Variants in TIPIN observed in about 807,000 individuals in gnomAD.
TIPIN encodes TIMELESS interacting protein, also known as TIMELESS-interacting protein.
In TIPIN, 29 loss-of-function variants were observed where a neutral mutation model predicts 35.6. The ratio of observed to expected loss-of-function variants is 0.82; its 90% CI spans 0.61 to 1.11. The LOEUF (loss-of-function observed/expected upper bound fraction) is 1.11, where lower values mean the gene tolerates loss of function less well. Ranked by LOEUF, TIPIN falls within the 50% of genes most tolerant of loss-of-function variation. The pLI, the probability that TIPIN is intolerant of heterozygous loss-of-function variation, is 0.00. For missense variants in TIPIN, 296 were observed against 345.4 expected (o/e 0.86, Z 1.13); for synonymous variants, 102 against 121.5 (o/e 0.84, Z 1.06).
chr15:66,376,465 G>A (rs1055934602), intron 1 of TIPIN, among the ~76,000 whole-genome samples: 8 of 150,958 alleles, frequency 5.3e-5, no homozygotes, highest in Admixed American at 3.3e-4. Context: ...GGTTTTGCTC[G>A]TTTCCCAGGC....
At chr15:66,377,997 C>A (rs1411962032) in intron 1 of TIPIN, among the ~76,000 whole-genome samples, 1 of 151,850 alleles carries the variant, frequency 6.6e-6, no homozygotes, top group Non-Finnish European at 1.5e-5. Flanking sequence ...AGGTGCACAC[C>A]ACCATGCCCA....
chr15:66,355,554 C>T (rs1376206611), intron 1 of TIPIN, among the ~76,000 whole-genome samples: 1 of 151,532 alleles, frequency 6.6e-6, no homozygotes, highest in Non-Finnish European at 1.5e-5. Flanking sequence ...TCGAGACCAG[C>T]CTGGCCAACA....
At chr15:66,368,834 C>T (rs556635255) in intron 1 of TIPIN, among the ~76,000 whole-genome samples, 4 of 152,154 alleles carry the variant, frequency 2.6e-5, no homozygotes, top group African/African-American at 7.2e-5. Flanking sequence ...TACTAACAAT[C>T]GATAAAACTA....
intron 1 of TIPIN, among the ~76,000 whole-genome samples, chr15:66,367,736 T>G (rs1009712797): frequency 4.8e-4 from 72 of 151,572 alleles, no homozygotes; most frequent in African/African-American, 1.6e-3. Flanking sequence ...ATTTTTTATG[T>G]TTTTTTTCCA....
chr15:66,377,701 C>A (rs1486140656), intron 1 of TIPIN, among the ~76,000 whole-genome samples: 1 of 151,938 alleles, frequency 6.6e-6, no homozygotes, highest in African/African-American at 2.4e-5. Flanking sequence ...TGGAGTCTCG[C>A]TCTGTTGCCC....
At chr15:66,370,000 T>C (rs2093272145) in intron 1 of TIPIN, among the ~76,000 whole-genome samples, 1 of 152,196 alleles carries the variant, frequency 6.6e-6, no homozygotes, top group Non-Finnish European at 1.5e-5. Flanking sequence ...ACCCCAATTA[T>C]GACATGTATT....
At chr15:66,371,806 C>T (rs1168936578) in intron 1 of TIPIN, among the ~76,000 whole-genome samples, 3 of 150,266 alleles carry the variant, frequency 2.0e-5, no homozygotes, top group Admixed American at 6.6e-5. Flanking sequence ...CGTGAGCCAC[C>T]GTGCCTGGCC....
At chr15:66,366,824 G>A in intron 1 of TIPIN, 1 of 983,584 alleles carries the variant, frequency 1.0e-6, no homozygotes, top group Non-Finnish European at 1.2e-6. Context: ...GAAATTCCAA[G>A]GAAGCAGTGG....
At chr15:66,364,970 A>AAAAAAGAAAAAG (rs1555409818) in intron 1 of TIPIN, among the ~76,000 whole-genome samples, 1 of 137,606 alleles carries the variant, frequency 7.3e-6, no homozygotes, top group Non-Finnish European at 1.6e-5. Flanking sequence ...CCATCTCAAA[A>AAAAAAGAAAAAG]AAAAAGAAAA....
At chr15:66,367,019 A>T (rs2093257578) in intron 1 of TIPIN, 3 of 316,668 alleles carry the variant, frequency 9.5e-6, no homozygotes, top group Non-Finnish European at 1.4e-5. Context: ...CGTCTCTACT[A>T]AAAATACAAA....
chr15:66,371,576 C>T (rs1481980620), intron 1 of TIPIN, among the ~76,000 whole-genome samples: 5 of 148,998 alleles, frequency 3.4e-5, no homozygotes, highest in Admixed American at 2.0e-4. Flanking sequence ...TGCAGTGGCG[C>T]GATCTCGGCT....
At chr15:66,379,915 C>T (rs2140500673) in intron 1 of TIPIN, 1 of 1,457,582 alleles carries the variant, frequency 6.9e-7, no homozygotes, top group Non-Finnish European at 9.4e-7. Flanking sequence ...ATGGTCTTCA[C>T]TCTCGCAGTA....
At chr15:66,361,474 C>A (rs1468642777), upstream of TIPIN, among the ~76,000 whole-genome samples, 5 of 150,494 alleles carry the variant, frequency 3.3e-5, no homozygotes, top group African/African-American at 1.2e-4. Flanking sequence ...CCAGGATGGT[C>A]TCAATCTCCT....
chr15:66,381,968 G>A (rs2093320164), intron 1 of TIPIN, among the ~76,000 whole-genome samples: 1 of 152,186 alleles, frequency 6.6e-6, no homozygotes, highest in African/African-American at 2.4e-5. Flanking sequence ...GGGAGGCTGA[G>A]GCAGGAGAAC....
At chr15:66,338,813 C>CAAAAA (rs35966273) in intron 7 of TIPIN, among the ~76,000 whole-genome samples, 2 of 35,250 alleles carry the variant, frequency 5.7e-5, no homozygotes, top group Admixed American at 3.3e-4. Context: ...GACTCCGTCT[C>CAAAAA]AAAAAAAAAA....
At chr15:66,357,696 G>T (rs62626354), upstream of TIPIN, among the ~76,000 whole-genome samples, 1,544 of 150,530 alleles carry the variant, frequency 0.01, 109 homozygotes, top group Admixed American at 0.093. Context: ...AGTGGCTCAC[G>T]CCTGTAATCC....
intron 1 of TIPIN, chr15:66,383,632 A>G: frequency 1.0e-6 from 1 of 963,602 alleles, no homozygotes; most frequent in Non-Finnish European, 1.2e-6. Flanking sequence ...TTTAACATGA[A>G]TAAGGACACA....
intron 6 of TIPIN, among the ~76,000 whole-genome samples, chr15:66,343,734 C>T (rs2093103984): frequency 6.6e-6 from 1 of 152,190 alleles, no homozygotes; most frequent in Non-Finnish European, 1.5e-5. Context: ...CGCAGTGGCC[C>T]ACACCTGTAA....
chr15:66,353,489 G>T (rs1300215432), intron 1 of TIPIN, among the ~76,000 whole-genome samples: 1 of 151,652 alleles, frequency 6.6e-6, no homozygotes, highest in Admixed American at 6.6e-5. Context: ...GGTGGCGGGC[G>T]CTTGTAGTCC....
Sources: allele counts gnomAD v4.1 joint callset (sites outside exome capture counted in the v4.1 genomes callset), GRCh38; gene constraint gnomAD v4.1.1; transcripts MANE v1.5; gene names NCBI Gene and HGNC (gene_info 2026-07-23, HGNC 2026-07-21).